Variants in EXOC6B observed in about 807,000 individuals in gnomAD.
EXOC6B encodes SEC15 homolog B.
In EXOC6B, 54 loss-of-function variants were observed where a neutral mutation model predicts 113.5. That is an observed-to-expected ratio of 0.48 (90% CI 0.38 to 0.60). The LOEUF (loss-of-function observed/expected upper bound fraction) is 0.60. Among genes scored for constraint, EXOC6B ranks in the 20% least tolerant of loss-of-function variants. The pLI, the probability that EXOC6B is intolerant of heterozygous loss-of-function variation, is 0.00. For synonymous variants in EXOC6B, 357 were observed against 339.0 expected (o/e 1.05, Z -0.58); for missense variants, 797 against 977.5 (o/e 0.82, Z 2.46).
intron 8 of EXOC6B, among the ~76,000 whole-genome samples, chr2:72,554,690 AG>A (rs1703435531): frequency 6.6e-6 from 1 of 152,148 alleles, no homozygotes; most frequent in Admixed American, 6.6e-5. Context: ...AGTCTCAGGT[AG>A]TGTTCTTTTC....
chr2:72,422,114 C>T (rs1272007960), intron 18 of EXOC6B, among the ~76,000 whole-genome samples: 3 of 152,336 alleles, frequency 2.0e-5, no homozygotes, highest in African/African-American at 7.2e-5. Context: ...CTCCCACCCA[C>T]TCCATGGGCC....
intron 19 of EXOC6B, among the ~76,000 whole-genome samples, chr2:72,366,310 C>A (rs1169377820): frequency 2.0e-5 from 3 of 149,352 alleles, no homozygotes; most frequent in African/African-American, 7.3e-5. Flanking sequence ...ATGACAAATA[C>A]ATTGAAATAG....
At chr2:72,412,721 G>T (rs891471812) in intron 18 of EXOC6B, among the ~76,000 whole-genome samples, 1 of 152,102 alleles carries the variant, frequency 6.6e-6, no homozygotes, top group African/African-American at 2.4e-5. Flanking sequence ...TAAATAAAAT[G>T]TCTTTCACAT....
At chr2:72,626,640 T>C (rs1309735766) in intron 6 of EXOC6B, among the ~76,000 whole-genome samples, 1 of 152,178 alleles carries the variant, frequency 6.6e-6, no homozygotes, top group African/African-American at 2.4e-5. Context: ...TGTGTAATAG[T>C]TTTGTCTTCT....
At chr2:72,810,841 TCCAGGAGTTCAAGA>T in intron 1 of EXOC6B, among the ~76,000 whole-genome samples, 1 of 151,898 alleles carries the variant, frequency 6.6e-6, no homozygotes, top group East Asian at 1.9e-4. Context: ...ATCACTTGAG[TCCAGGAGTTCAAGA>T]CCAGGCTGGG....
chr2:72,640,808 CA>C (rs1037284885), intron 6 of EXOC6B, among the ~76,000 whole-genome samples: 25 of 152,190 alleles, frequency 1.6e-4, no homozygotes, highest in African/African-American at 5.8e-4. Context: ...AACAAAAAAG[CA>C]GGGGTTACAA....
intron 1 of EXOC6B, among the ~76,000 whole-genome samples, chr2:72,773,448 C>CAA (rs758534897): frequency 6.2e-5 from 5 of 80,750 alleles, no homozygotes; most frequent in Non-Finnish European, 7.9e-5. Flanking sequence ...GTTTTCTCAC[C>CAA]AAAAAAAAAA....
chr2:72,568,659 C>T (rs1704336879), intron 7 of EXOC6B, among the ~76,000 whole-genome samples: 1 of 151,964 alleles, frequency 6.6e-6, no homozygotes, highest in Non-Finnish European at 1.5e-5. Flanking sequence ...ATATGTGTAA[C>T]TTTTCTGAAG....
chr2:72,498,728 A>G (rs1241207500), intron 12 of EXOC6B, among the ~76,000 whole-genome samples, 177 bp from the exon 13 acceptor site: 1 of 151,814 alleles, frequency 6.6e-6, no homozygotes, highest in Non-Finnish European at 1.5e-5. Context: ...TCTAGCATTT[A>G]TCTCTCAAAA....
In EXOC6B at chr2:72,559,570, G is replaced by C; in HGVS notation, c.847-49C>G. 3 of 1,467,684 alleles carry C rather than the reference G, an allele frequency of 2.0e-6. No individual in the cohort carries two copies. The African/African-American group carries it at 4.2e-5, about 21-fold the overall frequency. 90.9% of individuals were successfully genotyped at this position (1,467,684 alleles called of 1,614,324 possible). A position where few individuals can be genotyped will look rare whatever the true frequency, so the allele number is the denominator to read the frequency against. ...AAAAATTCAAACAAAGCTATTAAAA[G>C]CAACTACATTAATTGTTACTACTCA... On this transcript the variant is annotated intron_variant, in intron 7 of 21. Coordinates refer to ENST00000272427, the MANE Select transcript of EXOC6B (RefSeq NM_015189.3).
chr2:72,551,238 C>A (rs1049208801), intron 8 of EXOC6B, among the ~76,000 whole-genome samples: 1 of 152,166 alleles, frequency 6.6e-6, no homozygotes, highest in Admixed American at 6.5e-5. Flanking sequence ...CGCTCTGTCA[C>A]CCAGGCTGCA....
At chr2:72,757,107 C>T (rs1012054611) in intron 1 of EXOC6B, among the ~76,000 whole-genome samples, 13 of 152,026 alleles carry the variant, frequency 8.6e-5, no homozygotes, top group Admixed American at 8.5e-4. Context: ...AAATAAAATG[C>T]ATTTAAGAAT....
chr2:72,730,579 GACACAC>G (rs3034987), intron 5 of EXOC6B, among the ~76,000 whole-genome samples: 4,927 of 144,452 alleles, frequency 0.034, 97 homozygotes, highest in Middle Eastern at 0.059. Context: ...AACAGACAGA[GACACAC>G]ACACACACAC....
intron 20 of EXOC6B, among the ~76,000 whole-genome samples, chr2:72,244,408 T>C (rs1246711435): frequency 2.0e-5 from 3 of 152,136 alleles, no homozygotes; most frequent in Non-Finnish European, 4.4e-5. Context: ...AAACGTAATT[T>C]TCAAAAGGAA....
intron 20 of EXOC6B, among the ~76,000 whole-genome samples, chr2:72,215,339 C>T (rs73942566): frequency 0.021 from 3,128 of 152,248 alleles, 103 homozygotes; most frequent in African/African-American, 0.07. Context: ...ATCACTCTAG[C>T]GTCACCCAGT....
intron 6 of EXOC6B, among the ~76,000 whole-genome samples, chr2:72,686,238 G>GC (rs1206490602): frequency 2.0e-5 from 3 of 152,130 alleles, no homozygotes; most frequent in African/African-American, 7.2e-5. Flanking sequence ...TGGTAAAGTG[G>GC]ATTTCCTTAG....
intron 5 of EXOC6B, among the ~76,000 whole-genome samples, chr2:72,721,554 A>G (rs998145351): frequency 6.6e-6 from 1 of 151,968 alleles, no homozygotes; most frequent in African/African-American, 2.4e-5. Flanking sequence ...CAGCCAGCTG[A>G]CAAACAGGTT....
chr2:72,184,336 T>C (rs1298290829), intron 20 of EXOC6B, 149 bp from the exon 21 acceptor site: 2 of 542,326 alleles, frequency 3.7e-6, no homozygotes, highest in Non-Finnish European at 6.6e-6. Context: ...CTGCAGACTA[T>C]TCTTTCAACC....
intron 5 of EXOC6B, among the ~76,000 whole-genome samples, chr2:72,723,078 A>G (rs542669993): frequency 6.6e-6 from 1 of 152,350 alleles, no homozygotes; most frequent in Non-Finnish European, 1.5e-5. Flanking sequence ...GACAGGTTAA[A>G]GAATGATAGC....
Sources: gnomAD v4.1 joint callset for allele counts (sites outside exome capture counted in the v4.1 genomes callset) on GRCh38, gnomAD v4.1.1 for gene constraint, MANE v1.5 for transcripts, NCBI Gene and HGNC (gene_info 2026-07-23, HGNC 2026-07-21) for gene names.